The following SKAP1 variants were observed in gnomAD, a reference collection of about 807,000 sequenced individuals.
The protein encoded by SKAP1 is src kinase-associated phosphoprotein 1.
SKAP1 carries 44 observed loss-of-function variants against 58.5 expected under a neutral mutation model. That is an observed-to-expected ratio of 0.75 (90% CI 0.59 to 0.97). The LOEUF (loss-of-function observed/expected upper bound fraction) is 0.97, where lower values mean the gene tolerates loss of function less well. Among genes scored for constraint, SKAP1 ranks in the 50% least tolerant of loss-of-function variants. The pLI, the probability that SKAP1 is intolerant of heterozygous loss-of-function variation, is 0.00. For missense variants in SKAP1, 390 were observed against 435.2 expected (o/e 0.90, Z 0.92); for synonymous variants, 127 against 149.7 (o/e 0.85, Z 1.11).
chr17:48,162,675 A>G, intron 10 of SKAP1, 106 bp from the exon 11 acceptor site: 1 of 741,120 alleles, frequency 1.3e-6, no homozygotes, highest in East Asian at 2.7e-5. Flanking sequence ...GCCCCTAGGA[A>G]ACCTCAGATT....
intron 12 of SKAP1, among the ~76,000 whole-genome samples, chr17:48,136,126 C>T (rs8079616): frequency 0.92 from 139,383 of 152,178 alleles, 63,995 homozygotes; most frequent in African/African-American, 0.97. Context: ...GAAGTGTGTG[C>T]GCAACATCTG....
rs188254315 is a variant in SKAP1 at position 48,262,379 on chromosome 17, T to G, written c.281-72879A>C. On this transcript the variant is annotated intron_variant, in intron 4 of 12. Transcript: ENST00000336915. The stretch of plus-strand genomic sequence containing the variant: ...AGAAAGCCAGAAAACTCCAAGAGCA[T>G]AGCTTCAGAATAAGAACAACACATG... 9.8e-5 allele frequency among the ~76,000 whole-genome samples: 15 copies of G among 152,298 alleles called. No individual in the cohort carries two copies. In the East Asian group the frequency reaches 2.5e-3, roughly 25 times the overall value.
At position 48,333,120 on chromosome 17, in the gene SKAP1, A is replaced by T. The variant is rs536957054; in HGVS notation, c.280+12785T>A. On this transcript the variant is annotated intron_variant, in intron 4 of 12. Transcript: ENST00000336915. ...CAGTGATTCATACTGTAACAGCCAT[A>T]ATTTCAATATACAGTATCTCACCCT... 1.9e-3 allele frequency among the ~76,000 whole-genome samples: 284 copies of T among 152,274 alleles called. 1 individual carries two copies. The highest frequency in any genetic ancestry group is 6.7e-3 in the African/African-American group (278 of 41,572).
intron 4 of SKAP1, among the ~76,000 whole-genome samples, chr17:48,208,520 G>T (rs1456714611): frequency 2.0e-5 from 3 of 152,110 alleles, no homozygotes; most frequent in Admixed American, 2.0e-4. Flanking sequence ...TGGGAGAGCT[G>T]TTCACATGAA....
chr17:48,240,943 C>T (rs1376250758), intron 4 of SKAP1, among the ~76,000 whole-genome samples: 1 of 152,198 alleles, frequency 6.6e-6, no homozygotes, highest in Non-Finnish European at 1.5e-5. Context: ...CCCTAGTGTA[C>T]TCTGAGACTA....
At chr17:48,431,855 G>A (rs933402822), upstream of SKAP1, among the ~76,000 whole-genome samples, 1 of 152,132 alleles carries the variant, frequency 6.6e-6, no homozygotes, top group African/African-American at 2.4e-5. Context: ...TCTAGCAGAC[G>A]GGGCAAGAGC....
chr17:48,208,164 AACTGC>A, intron 4 of SKAP1, among the ~76,000 whole-genome samples: 1 of 152,216 alleles, frequency 6.6e-6, no homozygotes, highest in East Asian at 1.9e-4. Flanking sequence ...AAGTAAAACC[AACTGC>A]ATGTAATTTT....
At chr17:48,393,528 T>G (rs1175713370) in intron 2 of SKAP1, among the ~76,000 whole-genome samples, 1 of 152,124 alleles carries the variant, frequency 6.6e-6, no homozygotes, top group Non-Finnish European at 1.5e-5. Flanking sequence ...AAAAGCACAT[T>G]ATAATAGCTG....
At chr17:48,325,681 CAGTT>C (rs1598571648) in intron 4 of SKAP1, among the ~76,000 whole-genome samples, 2 of 152,072 alleles carry the variant, frequency 1.3e-5, no homozygotes, top group South Asian at 2.1e-4. Flanking sequence ...TAATGTCAGA[CAGTT>C]AGTTTATACT....
intron 1 of SKAP1, among the ~76,000 whole-genome samples, chr17:48,421,296 C>CTT (rs35201215): frequency 5.9e-5 from 7 of 119,212 alleles, no homozygotes; most frequent in Admixed American, 8.6e-5. Flanking sequence ...ATAGAGTGTT[C>CTT]TTTTTTTTTT....
intron 4 of SKAP1, among the ~76,000 whole-genome samples, chr17:48,194,980 A>G (rs1567815343): frequency 6.6e-6 from 1 of 152,200 alleles, no homozygotes; most frequent in Non-Finnish European, 1.5e-5. Context: ...TGCAATTCCA[A>G]TGCAGTCACA....
intron 4 of SKAP1, among the ~76,000 whole-genome samples, chr17:48,261,878 T>G (rs894304524): frequency 2.5e-5 from 2 of 80,092 alleles, no homozygotes; most frequent in Non-Finnish European, 5.2e-5. Flanking sequence ...AAAGCTCCCC[T>G]GAGAGAGAAA....
chr17:48,157,136 G>A (rs763467175), intron 11 of SKAP1, among the ~76,000 whole-genome samples: 6 of 152,102 alleles, frequency 3.9e-5, no homozygotes, highest in Non-Finnish European at 5.9e-5. Context: ...AGGATTAGGA[G>A]ATTTTTGCCC....
At chr17:48,288,597 G>T (rs1448585126) in intron 4 of SKAP1, among the ~76,000 whole-genome samples, 1 of 152,112 alleles carries the variant, frequency 6.6e-6, no homozygotes, top group African/African-American at 2.4e-5. Context: ...GAGGCAGAAG[G>T]CTCGCTTGAA....
chr17:48,147,173 G>C (rs1043484652), intron 11 of SKAP1, among the ~76,000 whole-genome samples: 1 of 152,130 alleles, frequency 6.6e-6, no homozygotes, highest in African/African-American at 2.4e-5. Flanking sequence ...TAAACAAGAG[G>C]ATGCATCTTC....
chr17:48,151,511 T>A (rs1365281155), intron 11 of SKAP1, among the ~76,000 whole-genome samples: 1 of 152,156 alleles, frequency 6.6e-6, no homozygotes, highest in African/African-American at 2.4e-5. Context: ...ACTCTTAGCT[T>A]ATGAGCCACA....
At chr17:48,419,349 A>ACCAACT (rs2067768832) in intron 1 of SKAP1, among the ~76,000 whole-genome samples, 1 of 151,316 alleles carries the variant, frequency 6.6e-6, no homozygotes, top group East Asian at 1.9e-4. Context: ...CAGTGGTGCT[A>ACCAACT]TCTTGGCTCA....
upstream of SKAP1, among the ~76,000 whole-genome samples, chr17:48,433,368 C>T (rs2067928063): frequency 6.6e-6 from 1 of 152,174 alleles, no homozygotes; most frequent in Admixed American, 6.5e-5. Context: ...AGCTGAGTCC[C>T]TGCCTGGGTC....
At chr17:48,381,718 CAT>C (rs1445988614) in intron 2 of SKAP1, among the ~76,000 whole-genome samples, 1 of 152,144 alleles carries the variant, frequency 6.6e-6, no homozygotes, top group Admixed American at 6.5e-5. Context: ...CACTATGTGA[CAT>C]GTTTGTGTTA....
Sources: allele counts gnomAD v4.1 joint callset (sites outside exome capture counted in the v4.1 genomes callset), GRCh38; gene constraint gnomAD v4.1.1; transcripts MANE v1.5; gene names NCBI Gene and HGNC (gene_info 2026-07-23, HGNC 2026-07-21).